The following FOXJ3 variants were observed in gnomAD, a reference collection of about 807,000 sequenced individuals.
FOXJ3 encodes the protein forkhead box J3.
In FOXJ3, 22 loss-of-function variants were observed where a neutral mutation model predicts 76.1. The ratio of observed to expected loss-of-function variants is 0.29; its 90% CI spans 0.21 to 0.41. The LOEUF (loss-of-function observed/expected upper bound fraction) is 0.41. Ranked by LOEUF, FOXJ3 falls within the 10% of genes least tolerant of loss-of-function variation. FOXJ3 has a pLI of 1.00. For synonymous variants in FOXJ3, 269 were observed against 261.2 expected, an observed-to-expected ratio of 1.03 and a Z score of -0.29; for missense variants, 613 against 762.1, an observed-to-expected ratio of 0.80 and a Z score of 2.30.
At chr1:42,202,130 CTTT>C in intron 6 of FOXJ3, among the ~76,000 whole-genome samples, 1 of 152,078 alleles carries the variant, frequency 6.6e-6, no homozygotes, top group Non-Finnish European at 1.5e-5. Flanking sequence ...TTTTTGAAAG[CTTT>C]TTATTGCTGT....
intron 5 of FOXJ3, among the ~76,000 whole-genome samples, chr1:42,212,969 A>AC (rs1259938547): frequency 7.0e-5 from 10 of 142,508 alleles, no homozygotes; most frequent in Non-Finnish European, 1.5e-4. Context: ...AAAAAAAAAA[A>AC]AACAAAAAAA....
intron 3 of FOXJ3, among the ~76,000 whole-genome samples, chr1:42,276,579 A>AG (rs1319539092): frequency 6.6e-5 from 10 of 152,164 alleles, no homozygotes; most frequent in African/African-American, 2.4e-4. Context: ...AATGTTGATG[A>AG]GGAAAAAAAA....
chr1:42,181,588 C>T (rs570252466), intron 12 of FOXJ3, among the ~76,000 whole-genome samples: 1 of 152,290 alleles, frequency 6.6e-6, no homozygotes, highest in African/African-American at 2.4e-5. Flanking sequence ...CTAATAAGGA[C>T]TTCAGGTCCT....
At chr1:42,324,339 CTA>C (rs111699698) in intron 1 of FOXJ3, among the ~76,000 whole-genome samples, 2 of 143,076 alleles carry the variant, frequency 1.4e-5, no homozygotes, top group East Asian at 2.0e-4. Context: ...AACATATACA[CTA>C]TATACTATAC....
intron 1 of FOXJ3, among the ~76,000 whole-genome samples, chr1:42,320,137 A>G (rs1355363292): frequency 6.6e-6 from 1 of 152,238 alleles, no homozygotes; most frequent in African/African-American, 2.4e-5. Flanking sequence ...GACTGTTTTA[A>G]CAGTAGGAAA....
intron 1 of FOXJ3, among the ~76,000 whole-genome samples, chr1:42,316,525 T>C (rs1452642316): frequency 6.6e-6 from 1 of 151,964 alleles, no homozygotes; most frequent in Non-Finnish European, 1.5e-5. Flanking sequence ...TGCAATGCTT[T>C]ATAATTTACA....
At chr1:42,249,423 G>A (rs1021081334) in intron 4 of FOXJ3, among the ~76,000 whole-genome samples, 1 of 152,118 alleles carries the variant, frequency 6.6e-6, no homozygotes, top group African/African-American at 2.4e-5. Flanking sequence ...GAACTCAAAG[G>A]ATTCTCCCAA....
At chr1:42,300,538 G>A (rs1245391208) in intron 2 of FOXJ3, among the ~76,000 whole-genome samples, 1 of 152,184 alleles carries the variant, frequency 6.6e-6, no homozygotes, top group Non-Finnish European at 1.5e-5. Context: ...TATGTTGAGA[G>A]GCCAAGGCGG....
At chr1:42,279,988 G>T (rs1359077602) in intron 2 of FOXJ3, among the ~76,000 whole-genome samples, 1 of 152,034 alleles carries the variant, frequency 6.6e-6, no homozygotes, top group Admixed American at 6.5e-5. Flanking sequence ...AGGGAGTTTG[G>T]GGTAAGGAAG....
In FOXJ3 at chr1:42,249,685, T is replaced by C. The variant is rs1479835393; in HGVS notation, c.444+15430A>G. On this transcript the variant is annotated intron_variant, in intron 4 of 12. Transcript: ENST00000361346. Reference sequence around the variant, plus strand: ...AGATAAACATTTATTAGGCATCTACTGTGTATCAGACACTGCTGGGTATGA... The same window carrying C: ...AGATAAACATTTATTAGGCATCTACCGTGTATCAGACACTGCTGGGTATGA... 2.0e-5 allele frequency among the ~76,000 whole-genome samples: 3 copies of C among 152,342 alleles called. No homozygotes were observed. The East Asian group carries it at 5.8e-4, about 29-fold the overall frequency.
chr1:42,194,985 T>C lies in FOXJ3; in HGVS notation c.839A>G (p.Lys280Arg). The change falls in exon 8 of 13, where the codon AAG becomes AGG. Residue 280 changes from lysine (K) to arginine (R), a missense_variant. Physicochemically the swap from Lys to Arg is conservative, Grantham distance 26. Transcript: ENST00000361346. Reference protein sequence around the residue: ...QPQYNLPERDKQLLFSEYNFE... With the variant: ...QPQYNLPERDRQLLFSEYNFE... ...ATTATATTCTGAGAAAAGTAGTTGC[T>C]TGTCTCTTTCTGGAAGGTTGTACTG... The C allele has an allele frequency of 1.9e-6, 3 of 1,613,462 alleles. No individual in the cohort carries two copies. Among genetic ancestry groups the C allele is most frequent in the South Asian group, 1.1e-5 (1 of 91,036 alleles).
At chr1:42,251,716 T>G (rs1397338422) in intron 4 of FOXJ3, among the ~76,000 whole-genome samples, 8 of 13,514 alleles carry the variant, frequency 5.9e-4, no homozygotes, top group Non-Finnish European at 2.1e-3. Flanking sequence ...ATTTTTTTTT[T>G]TTTTTTTTTT....
Position 42,280,293 on chromosome 1 carries a change from G to A in FOXJ3, c.45-1621C>T, listed in dbSNP as rs1406495466. On this transcript the variant is annotated intron_variant, in intron 2 of 12. Transcript: ENST00000361346. ...CAACCACGAGGATTCTACCTGCACT[G>A]CCAGTAAATTGAGTCCTCTTGATTT... 2 of 983,066 alleles carry A rather than the reference G, an allele frequency of 2.0e-6. 1 individual carries two copies. The highest frequency in any genetic ancestry group is 3.5e-5 in the African/African-American group (2 of 57,074). The allele number at this position is 983,066 out of a possible 1,614,324, so 60.9% of individuals were successfully genotyped here.
intron 4 of FOXJ3, among the ~76,000 whole-genome samples, chr1:42,233,856 C>T (rs1394926685): frequency 6.7e-6 from 1 of 149,748 alleles, no homozygotes; most frequent in African/African-American, 2.5e-5. Flanking sequence ...TGAGAGAGGG[C>T]ATCCCTGTCT....
rs537300879 is a variant in FOXJ3, at chr1:42,254,369, A to T, written c.444+10746T>A. On this transcript the variant is annotated intron_variant, in intron 4 of 12. Coordinates refer to ENST00000361346, the MANE Select transcript of FOXJ3 (RefSeq NM_014947.5). ...GGAACACTTTTACACTATTGGTGGGACTGTAAACTAGTTCAACCATTGTGG... is the reference window on the plus strand; with the variant it reads ...GGAACACTTTTACACTATTGGTGGGTCTGTAAACTAGTTCAACCATTGTGG... Among the ~76,000 whole-genome samples, 54 of 148,384 alleles carry T rather than the reference A, an allele frequency of 3.6e-4. No individual in the cohort carries two copies. The East Asian group carries it at 7.5e-3, about 21-fold the overall frequency.
chr1:42,276,230 C>T (rs1239891849), intron 3 of FOXJ3, among the ~76,000 whole-genome samples: 1 of 152,000 alleles, frequency 6.6e-6, no homozygotes, highest in Non-Finnish European at 1.5e-5. Flanking sequence ...GTGGTGGGCG[C>T]CTGTAATCCC....
At chr1:42,317,156 A>G (rs1248148575) in intron 1 of FOXJ3, among the ~76,000 whole-genome samples, 1 of 152,168 alleles carries the variant, frequency 6.6e-6, no homozygotes, top group African/African-American at 2.4e-5. Flanking sequence ...TTGAAAGTAT[A>G]ACATTCACTA....
intron 3 of FOXJ3, among the ~76,000 whole-genome samples, chr1:42,271,968 C>T (rs1651898531): frequency 1.3e-5 from 2 of 152,166 alleles, no homozygotes. Context: ...AATTTAATTC[C>T]TTTTCCTCTA....
chr1:42,298,431 C>T (rs182145231), intron 2 of FOXJ3, among the ~76,000 whole-genome samples: 12 of 152,254 alleles, frequency 7.9e-5, no homozygotes, highest in African/African-American at 2.6e-4. Context: ...TGTGCATTTC[C>T]CCCAGCTATT....
Sources: allele counts gnomAD v4.1 joint callset (sites outside exome capture counted in the v4.1 genomes callset), GRCh38; gene constraint gnomAD v4.1.1; transcripts MANE v1.5; gene names NCBI Gene and HGNC (gene_info 2026-07-23, HGNC 2026-07-21).